The following LOXL4 variants were observed in gnomAD, a reference collection of about 807,000 sequenced individuals.
LOXL4 encodes lysyl oxidase like 4.
A neutral mutation model predicts 89.1 loss-of-function variants in LOXL4; 72 were observed. The ratio of observed to expected loss-of-function variants is 0.81; its 90% CI spans 0.67 to 0.98. The LOEUF (loss-of-function observed/expected upper bound fraction) is 0.98. LOXL4 is among the 50% of genes least tolerant of loss of function. LOXL4 has a pLI of 0.00. For synonymous variants in LOXL4, 355 were observed against 392.1 expected (o/e 0.91, Z 1.12); for missense variants, 984 against 1,017.5 (o/e 0.97, Z 0.45).
Position 98,253,615 on chromosome 10 carries a change from C to T in LOXL4, c.1773G>A (p.Leu591=), listed in dbSNP as rs1858268040. The T allele has an allele frequency of 6.2e-7, 1 of 1,614,156 alleles. No homozygotes were observed. Residue 591 remains leucine (L), a synonymous_variant, in exon 11 of 15, where the codon CTG becomes CTA. Coordinates refer to ENST00000260702, the MANE Select transcript of LOXL4 (RefSeq NM_032211.7). ...LLRFSTQIYN[L]GRTDFRPKTG... ...TCTTTGGACGAAAGTCAGTCCGGCC[C>T]AGATTGTAGATCTGTGTGGAGAAGC...
intron 9 of LOXL4, 84 bp from the exon 10 acceptor site, chr10:98,255,823 C>A (rs770303896): frequency 5.4e-6 from 8 of 1,495,086 alleles, no homozygotes; most frequent in Non-Finnish European, 6.4e-6. Flanking sequence ...CTCAGTCATA[C>A]CACCCCCACC....
At chr10:98,265,644 C>G (rs563390291) in intron 1 of LOXL4, among the ~76,000 whole-genome samples, 1 of 71,840 alleles carries the variant, frequency 1.4e-5, no homozygotes, top group Non-Finnish European at 3.5e-5. Flanking sequence ...GTGATCCACC[C>G]GCCTTGGCCT....
intron 3 of LOXL4, among the ~76,000 whole-genome samples, 153 bp downstream of exon 3, chr10:98,261,882 G>A (rs1032816387): frequency 6.6e-6 from 1 of 152,232 alleles, no homozygotes; most frequent in African/African-American, 2.4e-5. Flanking sequence ...TGCACCTGCT[G>A]CAGGGCACAC....
chr10:98,261,134 G>T lies in LOXL4; in HGVS notation c.457-7C>A, dbSNP rs1052224515. 3 of 1,609,826 alleles carry T rather than the reference G, an allele frequency of 1.9e-6. No individual in the cohort carries two copies. The highest frequency in any genetic ancestry group is 1.1e-5 in the South Asian group (1 of 91,060). ...CCTCCTCCAGCCGCCGGCCCTGCGG[G>T]GTGCACAGTCACCTGTGGGCCTCGG... On this transcript the variant is annotated splice_polypyrimidine_tract_variant and splice_region_variant and intron_variant, in intron 3 of 14. Coordinates refer to ENST00000260702, the MANE Select transcript of LOXL4 (RefSeq NM_032211.7).
intron 14 of LOXL4, among the ~76,000 whole-genome samples, 159 bp from the exon 15 acceptor site, chr10:98,249,150 G>A (rs139747224): frequency 3.3e-5 from 5 of 152,322 alleles, no homozygotes; most frequent in Non-Finnish European, 5.9e-5. Flanking sequence ...TGGGACAGGT[G>A]TGTGGTTTCA....
intron 1 of LOXL4, among the ~76,000 whole-genome samples, chr10:98,267,615 G>T (rs1468621157): frequency 6.6e-6 from 1 of 152,098 alleles, no homozygotes; most frequent in Non-Finnish European, 1.5e-5. Flanking sequence ...GCCAACAAAT[G>T]GTCTCTGAGC....
In LOXL4 at chr10:98,251,157, T is replaced by C; in HGVS notation, c.2108A>G (p.Tyr703Cys). The C allele has an allele frequency of 3.1e-6, 5 of 1,613,706 alleles. No homozygotes were observed. The highest frequency in any genetic ancestry group is 4.2e-6 in the Non-Finnish European group (5 of 1,179,646). The change falls in exon 14 of 15, where the codon TAT becomes TGT. Residue 703 changes from tyrosine to cysteine, a missense_variant. Transcript: ENST00000260702. ...YIFQVIVNPH[Y>C]EVAESDFSNN... ...GGAGAAATCTGACTCTGCCACTTCA[T>C]AGTGGGGGTTCACAATCACCTAGAG...
chr10:98,250,193 C>T (rs1858147929), intron 14 of LOXL4, among the ~76,000 whole-genome samples: 1 of 152,210 alleles, frequency 6.6e-6, no homozygotes, highest in African/African-American at 2.4e-5. Context: ...TTTCTCTACT[C>T]CTCCCATGTT....
At chr10:98,250,974 A>G (rs990422312) in intron 14 of LOXL4, 91 bp downstream of exon 14, 2 of 882,716 alleles carry the variant, frequency 2.3e-6, no homozygotes, top group Admixed American at 3.9e-5. Context: ...CATACAAGTC[A>G]CACGCTGGAG....
At chr10:98,249,147 GGT>G (rs1324115368) in intron 14 of LOXL4, among the ~76,000 whole-genome samples, 156 bp from the exon 15 acceptor site, 7 of 152,222 alleles carry the variant, frequency 4.6e-5, no homozygotes, top group Admixed American at 4.6e-4. Context: ...GCCTGGGACA[GGT>G]GTGTGGTTTC....
intron 11 of LOXL4, among the ~76,000 whole-genome samples, chr10:98,253,026 T>C (rs985964403): frequency 3.3e-5 from 5 of 152,228 alleles, no homozygotes; most frequent in Admixed American, 6.5e-5. Flanking sequence ...TCACAGGCAT[T>C]GTCTCTCCCT....
chr10:98,256,809 C>T lies in LOXL4; in HGVS notation c.1399G>A (p.Gly467Ser), dbSNP rs375641262. The T allele has an allele frequency of 3.8e-5, 61 of 1,614,138 alleles. No individual in the cohort carries two copies. Among genetic ancestry groups the T allele is most frequent in the Middle Eastern group, 1.6e-4 (1 of 6,062 alleles). Residue 467 changes from glycine to serine, a missense_variant, in exon 9 of 15, where the codon GGC becomes AGC. Gly to Ser is a moderately conservative substitution (Grantham distance 56, BLOSUM62 0). Coordinates refer to ENST00000260702, the MANE Select transcript of LOXL4 (RefSeq NM_032211.7). ...TAGGCATGGATGGCAAAACCCAGGCCGAGCTGTCGGCAGGCCACCATGGCT... is the reference window on the plus strand; with the variant it reads ...TAGGCATGGATGGCAAAACCCAGGCTGAGCTGTCGGCAGGCCACCATGGCT... Reference protein sequence around the residue: ...TEAMVACRQLGLGFAIHAYKE... With the variant: ...TEAMVACRQLSLGFAIHAYKE...
At chr10:98,265,770 C>T (rs1478382605) in intron 1 of LOXL4, among the ~76,000 whole-genome samples, 2 of 152,206 alleles carry the variant, frequency 1.3e-5, no homozygotes, top group African/African-American at 4.8e-5. Flanking sequence ...CCCACCTCCT[C>T]TCTGTACAAA....
chr10:98,262,729 C>T lies in LOXL4; in HGVS notation c.277+14G>A, dbSNP rs1564761931. 6.2e-7 allele frequency: 1 copy of T among 1,606,676 alleles called. No homozygotes were observed. Among genetic ancestry groups the T allele is most frequent in the Non-Finnish European group, 8.5e-7 (1 of 1,175,298 alleles). On this transcript the variant is annotated intron_variant, in intron 2 of 14. Transcript: ENST00000260702. ...ATCTCCTTGCCATCCCACTAGGTGGCACCAGTCACTCACCCTCCCCTTGGC... is the reference window on the plus strand; with the variant it reads ...ATCTCCTTGCCATCCCACTAGGTGGTACCAGTCACTCACCCTCCCCTTGGC...
At chr10:98,250,668 C>T (rs1858164353) in intron 14 of LOXL4, among the ~76,000 whole-genome samples, 1 of 152,116 alleles carries the variant, frequency 6.6e-6, no homozygotes, top group Non-Finnish European at 1.5e-5. Context: ...CTGGAGACAG[C>T]AACACAGAGC....
At chr10:98,259,782 C>A (rs1467945200) in intron 4 of LOXL4, among the ~76,000 whole-genome samples, 1 of 152,150 alleles carries the variant, frequency 6.6e-6, no homozygotes, top group Non-Finnish European at 1.5e-5. Flanking sequence ...GTGGGGGCGG[C>A]CCGCCCAGAG....
At chr10:98,263,131 CA>C in intron 1 of LOXL4, 80 bp from the exon 2 acceptor site, 3 of 1,199,262 alleles carry the variant, frequency 2.5e-6, no homozygotes, top group South Asian at 3.0e-5. Flanking sequence ...CAGCTCCTGG[CA>C]AGACAAAGGA....
intron 8 of LOXL4, among the ~76,000 whole-genome samples, 168 bp downstream of exon 8, chr10:98,257,482 C>T (rs550195856): frequency 9.2e-5 from 14 of 152,290 alleles, no homozygotes; most frequent in Admixed American, 5.9e-4. Flanking sequence ...TCTGACATTT[C>T]GGAGGGGCTG....
intron 3 of LOXL4, 108 bp downstream of exon 3, chr10:98,261,927 C>T (rs568960777): frequency 1.9e-5 from 23 of 1,193,568 alleles, no homozygotes; most frequent in Non-Finnish European, 2.5e-5. Context: ...ATGCTCAGTG[C>T]AGACTGCACC....
Sources: gnomAD v4.1 joint callset for allele counts (sites outside exome capture counted in the v4.1 genomes callset) on GRCh38, gnomAD v4.1.1 for gene constraint, MANE v1.5 for transcripts, NCBI Gene and HGNC (gene_info 2026-07-23, HGNC 2026-07-21) for gene names.